The following GALNT10 variants were observed in gnomAD, a reference collection of about 807,000 sequenced individuals.
GALNT10 encodes the protein GalNAc transferase 10.
GALNT10 carries 41 observed loss-of-function variants against 75.0 expected under a neutral mutation model. That is an observed-to-expected ratio of 0.55 (90% confidence interval 0.43 to 0.71). The LOEUF (loss-of-function observed/expected upper bound fraction) is 0.71, where lower values mean the gene tolerates loss of function less well. GALNT10 is among the 30% of genes least tolerant of loss of function. The probability of loss-of-function intolerance (pLI) is 0.00; values close to 1 mark genes in which losing one functional copy is unlikely to be tolerated. For missense variants in GALNT10, 727 were observed against 818.5 expected (o/e 0.89, Z 1.36); for synonymous variants, 302 against 313.0 (o/e 0.96, Z 0.37).
intron 1 of GALNT10, among the ~76,000 whole-genome samples, chr5:154,257,666 C>G (rs923495450): frequency 4.0e-5 from 1 of 24,734 alleles, no homozygotes; most frequent in African/African-American, 1.9e-4. Flanking sequence ...AGTGAGACTC[C>G]GTTTTAAAAA....
chr5:154,293,613 A>ATATATATATTTTTTTTTTTTTTTTTTTTT, intron 1 of GALNT10, among the ~76,000 whole-genome samples: 3 of 109,356 alleles, frequency 2.7e-5, no homozygotes, highest in African/African-American at 1.3e-4. Flanking sequence ...ATATATATAT[A>ATATATATATTTTTTTTTTTTTTTTTTTTT]TTTTTTTTTT....
At chr5:154,248,170 C>T (rs1753460639) in intron 1 of GALNT10, among the ~76,000 whole-genome samples, 2 of 152,186 alleles carry the variant, frequency 1.3e-5, no homozygotes, top group African/African-American at 4.8e-5. Context: ...GCCACTTGAT[C>T]ATGGTGGATA....
At chr5:154,210,205 C>A (rs892469650) in intron 1 of GALNT10, among the ~76,000 whole-genome samples, 1 of 152,176 alleles carries the variant, frequency 6.6e-6, no homozygotes, top group African/African-American at 2.4e-5. Flanking sequence ...CCTACCCACA[C>A]TGTGCCCTCA....
chr5:154,403,978 G>A, intron 7 of GALNT10, 126 bp from the exon 8 acceptor site: 2 of 777,962 alleles, frequency 2.6e-6, no homozygotes, highest in Non-Finnish European at 4.7e-6. Flanking sequence ...CATTAGGTCT[G>A]TGATCCAGGC....
intron 1 of GALNT10, among the ~76,000 whole-genome samples, chr5:154,221,432 T>C (rs186607911): frequency 6.6e-5 from 10 of 152,326 alleles, no homozygotes; most frequent in African/African-American, 2.2e-4. Context: ...CCCTGAGTTG[T>C]GCCTTACTGA....
rs773711751 is a variant in GALNT10 at position 154,404,189 on chromosome 5, C to T, written c.1142C>T (p.Pro381Leu). 1.2e-5 allele frequency: 20 copies of T among 1,603,938 alleles called. No individual in the cohort carries two copies. Among genetic ancestry groups the T allele is most frequent in the East Asian group, 4.5e-5 (2 of 44,798 alleles). ...AGGAAGTATGTGCCCTACAAGGTCC[C>T]GGCCGGAGTCAGCCTGGCCCGGGTA... is the stretch of plus-strand genomic sequence containing the variant. The part of the protein sequence containing the change: ...IYRKYVPYKV[P>L]AGVSLARNLK... Residue 381 changes from proline (P) to leucine (L), a missense_variant, in exon 8 of 12, where the codon CCG becomes CTG. Transcript: ENST00000297107.
chr5:154,300,786 A>G (rs1754346191), intron 3 of GALNT10, among the ~76,000 whole-genome samples: 1 of 152,184 alleles, frequency 6.6e-6, no homozygotes, highest in South Asian at 2.1e-4. Flanking sequence ...GATCAATAAT[A>G]GGGTTGGGCA....
At chr5:154,314,539 T>A (rs1185914757) in intron 3 of GALNT10, among the ~76,000 whole-genome samples, 6 of 152,082 alleles carry the variant, frequency 3.9e-5, no homozygotes, top group African/African-American at 1.2e-4. Context: ...GCCTTTCAGG[T>A]TAAAGCTCCG....
At chr5:154,220,541 G>A (rs992740118) in intron 1 of GALNT10, 1 of 152,228 alleles carries the variant, frequency 6.6e-6, no homozygotes, top group African/African-American at 2.4e-5. Context: ...GCTGAAATAG[G>A]GGTGGGTAGG....
intron 3 of GALNT10, among the ~76,000 whole-genome samples, chr5:154,318,444 AAT>A (rs5872371): frequency 0.75 from 112,551 of 150,078 alleles, 42,248 homozygotes; most frequent in Admixed American, 0.83. Context: ...ATAAAATACT[AAT>A]ATATATATAT....
In GALNT10 at chr5:154,335,486, G is replaced by A. The variant is rs140301881; in HGVS notation, c.568+5748G>A. Among the ~76,000 whole-genome samples the A allele has an allele frequency of 5.7e-4, 87 of 152,310 alleles. 1 individual carries two copies. The East Asian group carries it at 0.012, about 21-fold the overall frequency. On this transcript the variant is annotated intron_variant, in intron 4 of 11. Transcript: ENST00000297107. ...GTAGATATTACTCCCTGGGGTTAGG[G>A]AAGGGAAGAATGTTCCAGGCAGAAA...
At chr5:154,203,968 C>T (rs749753527) in intron 1 of GALNT10, among the ~76,000 whole-genome samples, 4 of 152,200 alleles carry the variant, frequency 2.6e-5, no homozygotes, top group Admixed American at 6.5e-5. Flanking sequence ...CTACTTAAAC[C>T]AATGAGAGTG....
rs537284901 is a variant in GALNT10 at position 154,203,778 on chromosome 5, C to G, written c.159+12753C>G. Among the ~76,000 whole-genome samples the G allele has an allele frequency of 2.6e-5, 4 of 152,332 alleles. No individual in the cohort carries two copies. The East Asian group carries it at 5.8e-4, about 22-fold the overall frequency. On this transcript the variant is annotated intron_variant, in intron 1 of 11. Transcript: ENST00000297107. ...GAGGCTCCAGCTGGGAAGAAGAGAT[C>G]CCAGAGCTCTCTCTTGTGAGCCTGG... is the stretch of plus-strand genomic sequence containing the variant.
intron 1 of GALNT10, among the ~76,000 whole-genome samples, chr5:154,259,018 A>C (rs1455257576): frequency 6.6e-6 from 1 of 152,228 alleles, no homozygotes; most frequent in Non-Finnish European, 1.5e-5. Context: ...CTACATAAGC[A>C]TAGTTTAATT....
At chr5:154,327,819 G>T (rs1434415647) in intron 3 of GALNT10, among the ~76,000 whole-genome samples, 1 of 152,114 alleles carries the variant, frequency 6.6e-6, no homozygotes, top group Non-Finnish European at 1.5e-5. Flanking sequence ...AAATATTTAG[G>T]CATCGATTAT....
chr5:154,369,208 C>T (rs984240722), intron 4 of GALNT10, among the ~76,000 whole-genome samples: 10 of 151,914 alleles, frequency 6.6e-5, no homozygotes, highest in Non-Finnish European at 1.5e-4. Flanking sequence ...GCCGACGTGG[C>T]GAAACCCCAT....
chr5:154,376,290 G>C lies in GALNT10; in HGVS notation c.582G>C (p.Lys194Asn). Residue 194 changes from lysine (K) to asparagine (N), a missense_variant, in exon 5 of 12, where the codon AAG (lysine) becomes AAC (asparagine). Coordinates refer to ENST00000297107, the MANE Select transcript of GALNT10 (RefSeq NM_198321.4). The surrounding 1 kb of genome is among the most constrained non-coding windows in gnomAD (Gnocchi z 4.1). ...TCTGTCTCATAGAGCACCTGAAGAAGCCTCTTGAAGACTACATGGCCCTTT... is the reference window on the plus strand; with the variant it reads ...TCTGTCTCATAGAGCACCTGAAGAACCCTCTTGAAGACTACATGGCCCTTT... ...DDFSDREHLK[K>N]PLEDYMALFP... 1 of 1,610,158 alleles carries C rather than the reference G, an allele frequency of 6.2e-7. No homozygotes were observed. The highest frequency in any genetic ancestry group is 8.5e-7 in the Non-Finnish European group (1 of 1,177,092).
intron 3 of GALNT10, among the ~76,000 whole-genome samples, chr5:154,327,350 G>A (rs747099040): frequency 1.8e-4 from 27 of 152,226 alleles, no homozygotes; most frequent in Admixed American, 1.2e-3. Context: ...TGATATGAAG[G>A]ATTAAAAGTT....
chr5:154,205,611 A>C (rs971322525), intron 1 of GALNT10, among the ~76,000 whole-genome samples: 1 of 152,194 alleles, frequency 6.6e-6, no homozygotes, highest in African/African-American at 2.4e-5. Flanking sequence ...ATATGACCTA[A>C]TTTGGAAATA....
Sources: gnomAD v4.1 joint callset for allele counts (sites outside exome capture counted in the v4.1 genomes callset) on GRCh38, gnomAD v4.1.1 for gene constraint, Gnocchi (gnomAD v3.1) non-coding constraint, MANE v1.5 for transcripts, NCBI Gene and HGNC (gene_info 2026-07-23, HGNC 2026-07-21) for gene names.